SIPA1L3: variants seen among roughly 807,000 people sequenced by gnomAD.
The protein encoded by SIPA1L3 is signal-induced proliferation-associated 1-like protein 3.
Under a neutral mutation model 150.1 loss-of-function variants are expected in SIPA1L3, and 59 were observed. The observed-to-expected ratio is 0.39, with a 90% confidence interval of 0.32 to 0.49. SIPA1L3 has a LOEUF of 0.49. SIPA1L3 is among the 20% of genes least tolerant of loss of function. The pLI, the probability that SIPA1L3 is intolerant of heterozygous loss-of-function variation, is 0.86. For synonymous variants in SIPA1L3, 1,070 were observed against 1,077.6 expected, an observed-to-expected ratio of 0.99 and a Z score of 0.14; for missense variants, 2,211 against 2,489.5, an observed-to-expected ratio of 0.89 and a Z score of 2.38.
intron 6 of SIPA1L3, among the ~76,000 whole-genome samples, chr19:38,105,053 ATAT>A (rs1311098550): frequency 1.3e-5 from 2 of 152,032 alleles, no homozygotes; most frequent in Non-Finnish European, 2.9e-5. Flanking sequence ...GCAGCATTGA[ATAT>A]TATTAAGAAC....
At chr19:37,919,284 A>C (rs1403329354) in intron 1 of SIPA1L3, among the ~76,000 whole-genome samples, 1 of 152,184 alleles carries the variant, frequency 6.6e-6, no homozygotes, top group Non-Finnish European at 1.5e-5. Context: ...CTGGCATGTG[A>C]GAGATGCTCA....
chr19:38,075,285 C>T (rs918677277), intron 2 of SIPA1L3, among the ~76,000 whole-genome samples: 5 of 151,502 alleles, frequency 3.3e-5, no homozygotes, highest in East Asian at 1.9e-4. Flanking sequence ...GGAGAAAACC[C>T]GTCTCTACAA....
At chr19:37,979,763 C>G (rs1208289661) in intron 1 of SIPA1L3, among the ~76,000 whole-genome samples, 1 of 152,220 alleles carries the variant, frequency 6.6e-6, no homozygotes, top group Non-Finnish European at 1.5e-5. Flanking sequence ...GATCCCTGCA[C>G]TACACACTTT....
chr19:38,110,470 C>CA, intron 8 of SIPA1L3, 86 bp downstream of exon 8: 1 of 1,107,720 alleles, frequency 9.0e-7, no homozygotes, highest in Admixed American at 2.0e-5. Flanking sequence ...AGGGCCCCCC[C>CA]ACACCTCACG....
chr19:37,995,593 C>T (rs987470252), intron 1 of SIPA1L3, among the ~76,000 whole-genome samples: 2 of 152,258 alleles, frequency 1.3e-5, no homozygotes, highest in South Asian at 4.1e-4. Context: ...GGTGGTTGGG[C>T]TGGCCTTCGA....
intron 1 of SIPA1L3, among the ~76,000 whole-genome samples, chr19:37,949,730 C>G (rs1026618413): frequency 4.6e-5 from 7 of 151,860 alleles, no homozygotes; most frequent in African/African-American, 1.7e-4. Context: ...GCTGTCCTGG[C>G]CTAGGGTACA....
intron 2 of SIPA1L3, among the ~76,000 whole-genome samples, chr19:38,070,191 C>CCTATCTATCTATCTATCTAT (rs10546386): frequency 0.13 from 18,651 of 148,732 alleles, 1,683 homozygotes; most frequent in African/African-American, 0.25. Context: ...GATCTTCAGT[C>CCTATCTATCTATCTATCTAT]CTATCTATCT....
chr19:38,160,811 T>C (rs961372194), intron 13 of SIPA1L3, among the ~76,000 whole-genome samples: 1 of 152,166 alleles, frequency 6.6e-6, no homozygotes, highest in Non-Finnish European at 1.5e-5. Flanking sequence ...CAAAGTCGCA[T>C]GTAGAGGGAA....
At chr19:38,029,904 G>C (rs1046419979) in intron 2 of SIPA1L3, among the ~76,000 whole-genome samples, 50 of 151,200 alleles carry the variant, frequency 3.3e-4, no homozygotes, top group African/African-American at 1.1e-3. Flanking sequence ...ACCCAGGCTG[G>C]AGTGCAGTGG....
chr19:38,125,861 C>T (rs1402507695), intron 9 of SIPA1L3, among the ~76,000 whole-genome samples: 5 of 152,178 alleles, frequency 3.3e-5, no homozygotes, highest in Non-Finnish European at 1.5e-5. Flanking sequence ...CATGGTGCTC[C>T]TCTCTGGGAC....
intron 3 of SIPA1L3, 110 bp downstream of exon 3, chr19:38,083,209 G>A: frequency 8.5e-7 from 1 of 1,171,148 alleles, no homozygotes; most frequent in Non-Finnish European, 1.2e-6. Context: ...CACTGAGGAT[G>A]TGGCGGGAAC....
chr19:37,964,308 C>G (rs967807175), intron 1 of SIPA1L3: 2 of 152,062 alleles, frequency 1.3e-5, no homozygotes, highest in African/African-American at 4.8e-5. Flanking sequence ...AGGAGGGTTG[C>G]TTGAGCCCGG....
At chr19:38,026,236 T>C (rs1168253113) in intron 1 of SIPA1L3, among the ~76,000 whole-genome samples, 3 of 152,194 alleles carry the variant, frequency 2.0e-5, no homozygotes, top group Non-Finnish European at 4.4e-5. Flanking sequence ...AGGTAGGCTC[T>C]GAAGCAGCCC....
chr19:37,989,897 G>A (rs1168137893), intron 1 of SIPA1L3, among the ~76,000 whole-genome samples: 1 of 152,136 alleles, frequency 6.6e-6, no homozygotes, highest in East Asian at 1.9e-4. Flanking sequence ...GCCAGAATGA[G>A]CCTTGGCTTC....
chr19:37,980,246 T>G (rs1293841500), intron 1 of SIPA1L3, among the ~76,000 whole-genome samples: 4 of 152,242 alleles, frequency 2.6e-5, no homozygotes, highest in Non-Finnish European at 5.9e-5. Flanking sequence ...CCTTCTCCCC[T>G]TACGTAATGA....
chr19:38,178,048 G>A lies in SIPA1L3; in HGVS notation c.4209-4471G>A, dbSNP rs140308212. On this transcript the variant is annotated intron_variant, in intron 15 of 21. Coordinates refer to ENST00000222345, the MANE Select transcript of SIPA1L3 (RefSeq NM_015073.3). Reference sequence around the variant, plus strand: ...GATTATAAACAGTACTACAGAGACCGTCCTCATACCTGCCTGTGTGTGCTT... The same window carrying A: ...GATTATAAACAGTACTACAGAGACCATCCTCATACCTGCCTGTGTGTGCTT... 1.5e-3 allele frequency among the ~76,000 whole-genome samples: 231 copies of A among 151,112 alleles called. 3 individuals carry two copies. Among genetic ancestry groups the A allele is most frequent in the Admixed American group, 3.7e-3 (56 of 15,148 alleles).
chr19:38,024,776 C>T (rs1368898288), intron 1 of SIPA1L3, among the ~76,000 whole-genome samples: 2 of 152,032 alleles, frequency 1.3e-5, no homozygotes, highest in East Asian at 1.9e-4. Context: ...GGGTCATGTT[C>T]GCCCAAACAT....
At chr19:38,111,584 C>G (rs1025261787) in intron 8 of SIPA1L3, among the ~76,000 whole-genome samples, 1 of 152,214 alleles carries the variant, frequency 6.6e-6, no homozygotes, top group Non-Finnish European at 1.5e-5. Context: ...GAAATTACCG[C>G]GGGTCTACCA....
chr19:37,996,988 T>G (rs1967650470), intron 1 of SIPA1L3, among the ~76,000 whole-genome samples: 1 of 151,918 alleles, frequency 6.6e-6, no homozygotes, highest in Admixed American at 6.6e-5. Flanking sequence ...TGAGCCACCG[T>G]GCCCGGCCAA....
Sources: allele counts gnomAD v4.1 joint callset (sites outside exome capture counted in the v4.1 genomes callset), GRCh38; gene constraint gnomAD v4.1.1; transcripts MANE v1.5; gene names NCBI Gene and HGNC (gene_info 2026-07-23, HGNC 2026-07-21).